The following GALNT18 variants were observed in gnomAD, a reference collection of about 807,000 sequenced individuals.
The protein encoded by GALNT18 is GalNAc-transferase 18.
A neutral mutation model predicts 69.5 loss-of-function variants in GALNT18; 44 were observed. The ratio of observed to expected loss-of-function variants is 0.63; its 90% CI spans 0.50 to 0.81. The LOEUF (loss-of-function observed/expected upper bound fraction) is 0.81, where lower values mean the gene tolerates loss of function less well. Among genes scored for constraint, GALNT18 ranks in the 40% least tolerant of loss-of-function variants. The pLI is 0.00. For synonymous variants in GALNT18, 364 were observed against 318.2 expected, an observed-to-expected ratio of 1.14 and a Z score of -1.53; for missense variants, 715 against 810.0, an observed-to-expected ratio of 0.88 and a Z score of 1.42.
chr11:11,483,209 T>C (rs1346210030), intron 1 of GALNT18, among the ~76,000 whole-genome samples: 1 of 152,296 alleles, frequency 6.6e-6, no homozygotes, highest in Non-Finnish European at 1.5e-5. Flanking sequence ...TTGCCTAGAC[T>C]GTCCTCCTTT....
At chr11:11,399,234 C>T (rs978537527) in intron 3 of GALNT18, among the ~76,000 whole-genome samples, 3 of 152,150 alleles carry the variant, frequency 2.0e-5, no homozygotes, top group African/African-American at 7.2e-5. Flanking sequence ...AGAGGACCCT[C>T]ACCACACCCT....
intron 1 of GALNT18, among the ~76,000 whole-genome samples, chr11:11,516,099 AGCCGCCTTCTAGCCCCT>A (rs1412210491): frequency 1.4e-4 from 21 of 152,194 alleles, no homozygotes; most frequent in Non-Finnish European, 2.6e-4. Flanking sequence ...CCGTCACCAC[AGCCGCCTTCTAGCCCCT>A]GATCAGGCAC....
intron 8 of GALNT18, among the ~76,000 whole-genome samples, chr11:11,330,455 C>T (rs561834485): frequency 8.5e-5 from 13 of 152,268 alleles, no homozygotes; most frequent in East Asian, 3.9e-4. Context: ...GACAAGCAGA[C>T]GTGTCTCTGC....
intron 4 of GALNT18, among the ~76,000 whole-genome samples, chr11:11,378,418 T>C (rs963295758): frequency 3.3e-5 from 5 of 152,182 alleles, no homozygotes; most frequent in Non-Finnish European, 1.5e-5. Flanking sequence ...ACACAGCAGG[T>C]GGCCCTGTGC....
intron 1 of GALNT18, among the ~76,000 whole-genome samples, chr11:11,458,804 C>A (rs77376608): frequency 6.6e-6 from 1 of 152,222 alleles, no homozygotes; most frequent in African/African-American, 2.4e-5. Context: ...AACACCCAGC[C>A]TTGAGATCCA....
At chr11:11,292,669 A>T (rs1564883115) in intron 10 of GALNT18, among the ~76,000 whole-genome samples, 2 of 152,142 alleles carry the variant, frequency 1.3e-5, no homozygotes, top group African/African-American at 4.8e-5. Flanking sequence ...ACCTGAGTTT[A>T]TATCCCAGCC....
At chr11:11,272,732 C>T (rs1286969692) in intron 10 of GALNT18, among the ~76,000 whole-genome samples, 1 of 151,350 alleles carries the variant, frequency 6.6e-6, no homozygotes, top group East Asian at 1.9e-4. Flanking sequence ...CTCTACTGCC[C>T]ACCCATGCCC....
At chr11:11,498,723 C>T (rs538134855) in intron 1 of GALNT18, among the ~76,000 whole-genome samples, 3 of 152,060 alleles carry the variant, frequency 2.0e-5, no homozygotes, top group Non-Finnish European at 4.4e-5. Context: ...TGCTTGAACC[C>T]GGGAGGCAGA....
At chr11:11,277,098 C>A (rs564746777) in intron 10 of GALNT18, among the ~76,000 whole-genome samples, 9 of 152,290 alleles carry the variant, frequency 5.9e-5, no homozygotes, top group African/African-American at 2.2e-4. Flanking sequence ...ACCAGCAACT[C>A]TTTGTGCCTC....
At chr11:11,549,177 C>T (rs575153050) in intron 1 of GALNT18, among the ~76,000 whole-genome samples, 106 of 152,276 alleles carry the variant, frequency 7.0e-4, no homozygotes, top group African/African-American at 2.4e-3. Context: ...CTGCAGCAGC[C>T]GTTTCAGACC....
chr11:11,343,570 A>C (rs955417131), intron 6 of GALNT18, among the ~76,000 whole-genome samples: 1 of 151,990 alleles, frequency 6.6e-6, no homozygotes, highest in African/African-American at 2.4e-5. Flanking sequence ...CAGGCTGTGC[A>C]CCTCCATTCC....
At chr11:11,367,344 G>A (rs548070162) in intron 6 of GALNT18, among the ~76,000 whole-genome samples, 1 of 152,296 alleles carries the variant, frequency 6.6e-6, no homozygotes, top group East Asian at 1.9e-4. Flanking sequence ...AAATGATTAC[G>A]AATATCCCAA....
intron 1 of GALNT18, among the ~76,000 whole-genome samples, chr11:11,548,518 T>C (rs544277618): frequency 7.4e-4 from 113 of 152,312 alleles, no homozygotes; most frequent in African/African-American, 2.6e-3. Flanking sequence ...GGCCTCCATG[T>C]CCTCTGACAT....
chr11:11,523,599 G>C lies in GALNT18; in HGVS notation c.236-74663C>G, dbSNP rs1481160632. Among the ~76,000 whole-genome samples the C allele has an allele frequency of 6.6e-6, 1 of 151,824 alleles. No individual in the cohort carries two copies. Among genetic ancestry groups the C allele is most frequent in the Non-Finnish European group, 1.5e-5 (1 of 67,942 alleles). ...CCAGGCGTGTTGGTGGGCTCCTGTA[G>C]TCCCAGCTACTCGGGAGGCTGAGGC... On this transcript the variant is annotated intron_variant, in intron 1 of 10. Transcript: ENST00000227756. The surrounding 1 kb of genome is among the most constrained non-coding windows in gnomAD (Gnocchi z 4.3).
intron 1 of GALNT18, among the ~76,000 whole-genome samples, chr11:11,537,720 G>GCGTCT (rs1857816342): frequency 6.6e-6 from 1 of 152,140 alleles, no homozygotes; most frequent in Non-Finnish European, 1.5e-5. Flanking sequence ...TGTTGATTTA[G>GCGTCT]GACCTCACCC....
At chr11:11,526,745 T>C (rs1182091278) in intron 1 of GALNT18, among the ~76,000 whole-genome samples, 1 of 152,168 alleles carries the variant, frequency 6.6e-6, no homozygotes, top group Non-Finnish European at 1.5e-5. Context: ...ATATATTGGC[T>C]CTTAAATTTT....
At chr11:11,502,684 C>T (rs1413685040) in intron 1 of GALNT18, among the ~76,000 whole-genome samples, 1 of 152,242 alleles carries the variant, frequency 6.6e-6, no homozygotes, top group African/African-American at 2.4e-5. Context: ...ACATGAACAG[C>T]ATGCCTGTAT....
intron 1 of GALNT18, among the ~76,000 whole-genome samples, chr11:11,499,095 C>G (rs765769653): frequency 3.3e-5 from 5 of 152,170 alleles, no homozygotes; most frequent in Non-Finnish European, 7.3e-5. Context: ...TATGTTACCT[C>G]GAGTCCTCGT....
rs1859959544 is a variant in GALNT18, at chr11:11,613,348, G to T, written c.235+8011C>A. 6.6e-6 allele frequency among the ~76,000 whole-genome samples: 1 copy of T among 152,272 alleles called. No homozygotes were observed. The highest frequency in any genetic ancestry group is 6.5e-5 in the Admixed American group (1 of 15,302). ...ATACTGTGCTGTGGAGCAGTTGTGA[G>T]GTAATTAGTGAGTAACAATAATTTA... is the stretch of plus-strand genomic sequence containing the variant. On this transcript the variant is annotated intron_variant, in intron 1 of 10. Transcript: ENST00000227756. The surrounding 1 kb of genome is among the most constrained non-coding windows in gnomAD (Gnocchi z 4.2).
Sources: gnomAD v4.1 joint callset for allele counts (sites outside exome capture counted in the v4.1 genomes callset) on GRCh38, gnomAD v4.1.1 for gene constraint, Gnocchi (gnomAD v3.1) non-coding constraint, MANE v1.5 for transcripts, NCBI Gene and HGNC (gene_info 2026-07-23, HGNC 2026-07-21) for gene names.